Variants in RANBP2 observed in about 807,000 individuals in gnomAD.
RANBP2 encodes RAN binding protein 2.
A neutral mutation model predicts 303.6 loss-of-function variants in RANBP2; 57 were observed. The ratio of observed to expected loss-of-function variants is 0.19; its 90% CI spans 0.15 to 0.23. The LOEUF (loss-of-function observed/expected upper bound fraction) is 0.23. Among genes scored for constraint, RANBP2 ranks in the 10% least tolerant of loss-of-function variants. RANBP2 has a pLI of 1.00. For missense variants in RANBP2, 3,138 were observed against 3,780.8 expected, an observed-to-expected ratio of 0.83 and a Z score of 4.46; for synonymous variants, 1,167 against 1,301.5, an observed-to-expected ratio of 0.90 and a Z score of 2.23.
At chr2:109,078,104 A>ATATATGGCG in the RANBP2 span, among the ~76,000 whole-genome samples, 1 of 88,390 alleles carries the variant, frequency 1.1e-5, no homozygotes, top group African/African-American at 3.6e-5. Flanking sequence ...ATATATATAT[A>ATATATGGCG]TATATATATA....
chr2:109,355,748 C>T, the RANBP2 span, among the ~76,000 whole-genome samples: 1 of 152,204 alleles, frequency 6.6e-6, no homozygotes. Flanking sequence ...ACTTAACACG[C>T]AGGTCCATGC....
the RANBP2 span, chr2:109,667,214 G>A: frequency 3.5e-6 from 4 of 1,132,742 alleles, no homozygotes; most frequent in Admixed American, 1.8e-5. Context: ...TTAAGAACAA[G>A]CCCAAGACCC....
At chr2:109,573,961 A>C in the RANBP2 span, among the ~76,000 whole-genome samples, 1 of 152,206 alleles carries the variant, frequency 6.6e-6, no homozygotes, top group Non-Finnish European at 1.5e-5. Flanking sequence ...TAATAGTGGC[A>C]TAAAGTAAAA....
chr2:108,915,182 G>C, the RANBP2 span, among the ~76,000 whole-genome samples: 3 of 152,224 alleles, frequency 2.0e-5, no homozygotes, highest in Non-Finnish European at 4.4e-5. Flanking sequence ...GGGATTACAG[G>C]TGTGAGCCTG....
the RANBP2 span, among the ~76,000 whole-genome samples, chr2:109,134,066 C>T: frequency 2.6e-5 from 4 of 152,164 alleles, no homozygotes; most frequent in Non-Finnish European, 4.4e-5. Context: ...CTTATATACC[C>T]GAGATTTTCT....
chr2:109,492,772 A>T, the RANBP2 span, among the ~76,000 whole-genome samples: 5 of 152,100 alleles, frequency 3.3e-5, no homozygotes, highest in African/African-American at 4.8e-5. Flanking sequence ...GTGCGCAGTC[A>T]GCAGCACCCC....
At chr2:109,466,584 T>C in the RANBP2 span, among the ~76,000 whole-genome samples, 6 of 152,338 alleles carry the variant, frequency 3.9e-5, no homozygotes, top group South Asian at 1.2e-3. Flanking sequence ...TTAATTTTCA[T>C]GGAGCCCAAT....
chr2:109,644,036 G>A, the RANBP2 span, among the ~76,000 whole-genome samples: 4 of 148,292 alleles, frequency 2.7e-5, no homozygotes, highest in Non-Finnish European at 6.0e-5. Context: ...CAGGAGAGTC[G>A]CTTGAACCCA....
chr2:109,383,945 C>A, the RANBP2 span, among the ~76,000 whole-genome samples: 10 of 152,336 alleles, frequency 6.6e-5, no homozygotes, highest in African/African-American at 2.4e-4. Context: ...GTTCTGATGA[C>A]AGTCTAGAGG....
chr2:109,585,074 G>C, the RANBP2 span: 3 of 1,148,934 alleles, frequency 2.6e-6, no homozygotes, highest in Non-Finnish European at 3.7e-6. Flanking sequence ...GCTATAAGGC[G>C]AATGTCTTGA....
the RANBP2 span, among the ~76,000 whole-genome samples, chr2:109,257,755 C>A: frequency 6.6e-6 from 1 of 152,090 alleles, no homozygotes. Flanking sequence ...CCAAGGGGCC[C>A]CAAGTGCAGA....
the RANBP2 span, among the ~76,000 whole-genome samples, chr2:109,578,748 C>A: frequency 6.6e-6 from 1 of 150,408 alleles, no homozygotes; most frequent in East Asian, 2.0e-4. Context: ...GCCTGGCCAA[C>A]AAAGTGAGAT....
At chr2:109,003,559 C>T in the RANBP2 span, among the ~76,000 whole-genome samples, 4 of 151,850 alleles carry the variant, frequency 2.6e-5, no homozygotes, top group Admixed American at 6.6e-5. Flanking sequence ...TACAGGTGTG[C>T]GCCACTAGGT....
the RANBP2 span, among the ~76,000 whole-genome samples, chr2:109,226,388 G>A: frequency 6.6e-6 from 1 of 152,182 alleles, no homozygotes; most frequent in African/African-American, 2.4e-5. Context: ...TACAGTGTCT[G>A]TGGCCCATGG....
chr2:109,579,540 C>T, the RANBP2 span, among the ~76,000 whole-genome samples: 2 of 151,860 alleles, frequency 1.3e-5, no homozygotes, highest in Non-Finnish European at 2.9e-5. Context: ...CCTGCCACCA[C>T]GCCTGGCTAA....
the RANBP2 span, among the ~76,000 whole-genome samples, chr2:109,337,597 T>A: frequency 1.3e-5 from 2 of 152,258 alleles, no homozygotes; most frequent in African/African-American, 4.8e-5. Flanking sequence ...GCACATTTGC[T>A]AGGAAGTCCA....
the RANBP2 span, among the ~76,000 whole-genome samples, chr2:109,465,182 C>T: frequency 0.03 from 4,583 of 152,228 alleles, 99 homozygotes; most frequent in African/African-American, 0.052. Flanking sequence ...AATAATATTC[C>T]ATTGTCCAGA....
At chr2:109,408,003 A>T in the RANBP2 span, among the ~76,000 whole-genome samples, 1 of 152,282 alleles carries the variant, frequency 6.6e-6, no homozygotes, top group African/African-American at 2.4e-5. Context: ...CTGTGCCTCC[A>T]GGCCATCCTT....
the RANBP2 span, among the ~76,000 whole-genome samples, chr2:108,868,303 T>C: frequency 2.0e-5 from 3 of 152,350 alleles, no homozygotes; most frequent in South Asian, 2.1e-4. Context: ...TCCTTATTAC[T>C]GAAAGTAACT....
Sources: gnomAD v4.1 joint callset for allele counts (sites outside exome capture counted in the v4.1 genomes callset) on GRCh38, gnomAD v4.1.1 for gene constraint, MANE v1.5 for transcripts, NCBI Gene and HGNC (gene_info 2026-07-23, HGNC 2026-07-21) for gene names.